Variants in TRPM6 observed in about 807,000 individuals in gnomAD.
The protein encoded by TRPM6 is transient receptor potential cation channel subfamily M member 6, also known as channel kinase 2.
Under a neutral mutation model 247.6 loss-of-function variants are expected in TRPM6, and 111 were observed. The observed-to-expected ratio is 0.45, with a 90% CI of 0.38 to 0.52. The LOEUF is 0.52. TRPM6 is among the 20% of genes least tolerant of loss of function. TRPM6 has a pLI of 0.00. For synonymous variants in TRPM6, 892 were observed against 853.8 expected, an observed-to-expected ratio of 1.04 and a Z score of -0.78; for missense variants, 2,126 against 2,421.5, an observed-to-expected ratio of 0.88 and a Z score of 2.56.
intron 1 of TRPM6, among the ~76,000 whole-genome samples, chr9:74,884,389 T>C (rs1012716085): frequency 2.6e-5 from 4 of 152,042 alleles, no homozygotes; most frequent in South Asian, 2.1e-4. Flanking sequence ...CTCGGGAGGC[T>C]GAGGCAGGAG....
chr9:74,864,443 C>T (rs950892663), intron 1 of TRPM6, among the ~76,000 whole-genome samples: 2 of 152,184 alleles, frequency 1.3e-5, no homozygotes, highest in African/African-American at 4.8e-5. Flanking sequence ...ACACTTGATC[C>T]GAGAGGGGCA....
In TRPM6 at chr9:74,735,222, C is replaced by CA. The variant is rs11346925; in HGVS notation, c.5777-2487dup. 5.8e-3 allele frequency among the ~76,000 whole-genome samples: 703 copies of CA among 121,274 alleles called. 3 individuals are homozygous for CA. The highest frequency in any genetic ancestry group is 0.013 in the Middle Eastern group (3 of 236). 79.6% of individuals were successfully genotyped at this position (121,274 alleles called of 152,430 possible). On this transcript the variant is annotated intron_variant, in intron 36 of 38. Transcript: ENST00000360774. ...TTGGCTACACAGTGAGACCTTGTCT[C>CA]AAAAAAAAAAACAAAAAAGGAAGAA...
intron 1 of TRPM6, among the ~76,000 whole-genome samples, chr9:74,877,909 C>CTACATGCA: frequency 6.6e-6 from 1 of 152,162 alleles, no homozygotes; most frequent in Admixed American, 6.5e-5. Flanking sequence ...CAGCCAGTGG[C>CTACATGCA]TACATGCACC....
chr9:74,828,628 T>C (rs951940278), intron 6 of TRPM6, among the ~76,000 whole-genome samples: 3 of 149,438 alleles, frequency 2.0e-5, no homozygotes, highest in Non-Finnish European at 4.4e-5. Flanking sequence ...TTTTCCTTTC[T>C]TTCTTTTTTT....
At chr9:74,827,590 C>T (rs1829383182) in intron 7 of TRPM6, 188 bp downstream of exon 7, 3 of 705,382 alleles carry the variant, frequency 4.3e-6, no homozygotes, top group South Asian at 3.0e-5. Context: ...CTCGAAGTGT[C>T]ATTTGGATTG....
At chr9:74,786,907 T>C (rs773284522) in intron 20 of TRPM6, among the ~76,000 whole-genome samples, 4 of 151,742 alleles carry the variant, frequency 2.6e-5, no homozygotes, top group Non-Finnish European at 5.9e-5. Context: ...CTACTAAGAA[T>C]ATGATATTGG....
intron 31 of TRPM6, among the ~76,000 whole-genome samples, chr9:74,744,796 T>G (rs753928044): frequency 6.6e-6 from 1 of 152,182 alleles, no homozygotes; most frequent in African/African-American, 2.4e-5. Context: ...AAAATTAAAG[T>G]GGAGAACTTT....
chr9:74,750,923 T>C (rs1342059875), intron 29 of TRPM6, among the ~76,000 whole-genome samples: 1 of 152,190 alleles, frequency 6.6e-6, no homozygotes, highest in Non-Finnish European at 1.5e-5. Flanking sequence ...CTCAGTGTGT[T>C]GATGGACTTT....
intron 14 of TRPM6, among the ~76,000 whole-genome samples, chr9:74,805,963 A>T (rs967215317): frequency 1.3e-5 from 2 of 152,202 alleles, no homozygotes; most frequent in African/African-American, 4.8e-5. Context: ...TGGATATTTC[A>T]TTATATTAAG....
At chr9:74,734,573 T>C (rs776769268) in intron 36 of TRPM6, among the ~76,000 whole-genome samples, 1 of 152,098 alleles carries the variant, frequency 6.6e-6, no homozygotes, top group Non-Finnish European at 1.5e-5. Context: ...TCTTACAGGG[T>C]TACTGGGAGG....
In TRPM6 at chr9:74,771,659, G is replaced by A. The variant is rs557231447; in HGVS notation, c.3536+44C>T. 1.4e-5 allele frequency: 22 copies of A among 1,598,074 alleles called. No homozygotes were observed. In the Admixed American group the frequency reaches 1.8e-4, roughly 13 times the overall value. On this transcript the variant is annotated intron_variant, in intron 25 of 38. Transcript: ENST00000360774. ...CCTTTAGATATTCTAGCAGAATCAC[G>A]TTGTGTTAGTGGTTTCAGAATGGAA...
At chr9:74,810,690 A>G (rs1279338767) in intron 13 of TRPM6, 125 bp downstream of exon 13, 1 of 825,880 alleles carries the variant, frequency 1.2e-6, no homozygotes, top group African/African-American at 1.7e-5. Context: ...AAATCAAGGT[A>G]AAGAAGATAG....
chr9:74,790,808 G>T (rs781692879), intron 19 of TRPM6, among the ~76,000 whole-genome samples: 1 of 152,184 alleles, frequency 6.6e-6, no homozygotes, highest in Non-Finnish European at 1.5e-5. Flanking sequence ...TAGATATTCA[G>T]ATTGAGAAAG....
intron 19 of TRPM6, among the ~76,000 whole-genome samples, chr9:74,789,160 C>T (rs1827803246): frequency 6.6e-6 from 1 of 152,134 alleles, no homozygotes; most frequent in Admixed American, 6.5e-5. Flanking sequence ...TGCTTATTTT[C>T]AAATACAATG....
rs142461208 is a variant in TRPM6 at position 74,832,014 on chromosome 9, C to T, written c.669+1984G>A. 1.5e-3 allele frequency among the ~76,000 whole-genome samples: 231 copies of T among 152,166 alleles called. 1 individual carries two copies. Among genetic ancestry groups the T allele is most frequent in the African/African-American group, 3.9e-3 (163 of 41,514 alleles). ...CTGTTGAAATAATGAATCTATGCAACGACTGCTAACATTATAAAAAGAGAG... is the reference window on the plus strand; with the variant it reads ...CTGTTGAAATAATGAATCTATGCAATGACTGCTAACATTATAAAAAGAGAG... On this transcript the variant is annotated intron_variant, in intron 6 of 38. Transcript: ENST00000360774.
intron 38 of TRPM6, among the ~76,000 whole-genome samples, chr9:74,727,783 T>A (rs759919577): frequency 4.6e-5 from 7 of 152,194 alleles, no homozygotes; most frequent in African/African-American, 7.2e-5. Flanking sequence ...ATTTTTACAG[T>A]GAAAAGCACT....
At chr9:74,810,653 G>A (rs928834068) in intron 13 of TRPM6, among the ~76,000 whole-genome samples, 162 bp downstream of exon 13, 2 of 152,194 alleles carry the variant, frequency 1.3e-5, no homozygotes, top group African/African-American at 2.4e-5. Context: ...AAAAGTGTAC[G>A]AATGTGGTTT....
intron 25 of TRPM6, among the ~76,000 whole-genome samples, chr9:74,771,461 T>C (rs1827037587): frequency 6.6e-6 from 1 of 152,230 alleles, no homozygotes; most frequent in South Asian, 2.1e-4. Flanking sequence ...GTAAGTCCCA[T>C]GAGGACAAGG....
chr9:74,739,927 A>G lies in TRPM6; in HGVS notation c.5283T>C (p.Arg1761=). Residue 1761 remains arginine, a synonymous_variant, in exon 34 of 39, where the codon CGT becomes CGC. Coordinates refer to ENST00000360774, the MANE Select transcript of TRPM6 (RefSeq NM_017662.5). The part of the protein sequence containing the change: ...LDKSMSSWSQ[R]GRAAMIQVLS... ...ATACCTGGATCATTGCCGCTCTCCC[A>G]CGCTGAGACCAAGAGGACATGCTTT... is the stretch of plus-strand genomic sequence containing the variant. 2 of 1,614,108 alleles carry G rather than the reference A, an allele frequency of 1.2e-6. No homozygotes were observed. Among genetic ancestry groups the G allele is most frequent in the East Asian group, 4.5e-5 (2 of 44,870 alleles).
Sources: allele counts gnomAD v4.1 joint callset (sites outside exome capture counted in the v4.1 genomes callset), GRCh38; gene constraint gnomAD v4.1.1; transcripts MANE v1.5; gene names NCBI Gene and HGNC (gene_info 2026-07-23, HGNC 2026-07-21).